The following CTNNA3 variants were observed in gnomAD, a reference collection of about 807,000 sequenced individuals.
CTNNA3 encodes the protein catenin alpha 3.
A neutral mutation model predicts 95.7 loss-of-function variants in CTNNA3; 76 were observed. The ratio of observed to expected loss-of-function variants is 0.79; its 90% CI spans 0.66 to 0.96. The LOEUF is 0.96. Ranked by LOEUF, CTNNA3 falls within the 40% of genes least tolerant of loss-of-function variation. The probability of loss-of-function intolerance (pLI) is 0.00; values close to 1 mark genes in which losing one functional copy is unlikely to be tolerated. For synonymous variants in CTNNA3, 431 were observed against 374.4 expected (o/e 1.15, Z -1.74); for missense variants, 1,191 against 1,089.8 (o/e 1.09, Z -1.31).
At chr10:66,095,744 A>T (rs2133711033) in intron 14 of CTNNA3, among the ~76,000 whole-genome samples, 1 of 152,118 alleles carries the variant, frequency 6.6e-6, no homozygotes, top group South Asian at 2.1e-4. Context: ...TTAAGATTTG[A>T]TATGCTCCAG....
At chr10:67,624,341 T>A (rs1843953864) in intron 2 of CTNNA3, among the ~76,000 whole-genome samples, 1 of 152,166 alleles carries the variant, frequency 6.6e-6, no homozygotes, top group East Asian at 1.9e-4. Flanking sequence ...AAAATCATGC[T>A]CTGCGGGCCC....
chr10:66,272,088 C>T (rs2091294707), intron 13 of CTNNA3, among the ~76,000 whole-genome samples: 1 of 152,184 alleles, frequency 6.6e-6, no homozygotes, highest in Non-Finnish European at 1.5e-5. Flanking sequence ...AGTACTGTTA[C>T]AGACTTCTTT....
rs556742494 is a variant in CTNNA3, at chr10:66,066,171, G to C, written c.2159+3137C>G. Reference sequence around the variant, plus strand: ...AGCCACCGCACCTAGCCACCAAGATGATATTATAATATAACTATTATAGTT... The same window carrying C: ...AGCCACCGCACCTAGCCACCAAGATCATATTATAATATAACTATTATAGTT... On this transcript the variant is annotated intron_variant, in intron 15 of 17. Transcript: ENST00000433211. Among the ~76,000 whole-genome samples, 3 of 152,076 alleles carry C rather than the reference G, an allele frequency of 2.0e-5. No homozygotes were observed. The East Asian group carries it at 5.8e-4, about 29-fold the overall frequency.
chr10:65,986,699 GA>G (rs34970451), intron 16 of CTNNA3, among the ~76,000 whole-genome samples: 72 of 148,424 alleles, frequency 4.9e-4, no homozygotes, highest in Admixed American at 7.4e-4. Context: ...TACATAGATA[GA>G]AAAAAAAAAT....
At chr10:66,467,692 A>C (rs185007801) in intron 11 of CTNNA3, among the ~76,000 whole-genome samples, 7 of 152,230 alleles carry the variant, frequency 4.6e-5, no homozygotes, top group Non-Finnish European at 7.4e-5. Context: ...ATTAAGATGA[A>C]GCCAACCCGC....
intron 13 of CTNNA3, among the ~76,000 whole-genome samples, chr10:66,150,596 A>C (rs971638536): frequency 6.6e-6 from 1 of 152,090 alleles, no homozygotes; most frequent in African/African-American, 2.4e-5. Context: ...AATCAGGGTA[A>C]CTAAGATATC....
chr10:67,056,637 A>T (rs1442959156), intron 7 of CTNNA3, among the ~76,000 whole-genome samples: 1 of 152,184 alleles, frequency 6.6e-6, no homozygotes, highest in Non-Finnish European at 1.5e-5. Context: ...TTCCAAATTA[A>T]GTGGCGACAG....
intron 7 of CTNNA3, among the ~76,000 whole-genome samples, chr10:66,776,171 G>A (rs1840290390): frequency 2.0e-5 from 3 of 152,142 alleles, no homozygotes. Context: ...TAAGCACATA[G>A]AGAGTCACCT....
intron 1 of CTNNA3, among the ~76,000 whole-genome samples, chr10:67,656,321 G>T (rs1463111028): frequency 6.6e-6 from 1 of 152,088 alleles, no homozygotes; most frequent in East Asian, 1.9e-4. Context: ...AAATATTTTT[G>T]ATGTGTTTAC....
At chr10:66,745,002 G>T (rs1192496119) in intron 9 of CTNNA3, among the ~76,000 whole-genome samples, 1 of 152,148 alleles carries the variant, frequency 6.6e-6, no homozygotes, top group Non-Finnish European at 1.5e-5. Context: ...CTCTTTAAAA[G>T]CTAAGAGTCA....
At chr10:66,390,457 C>T in intron 11 of CTNNA3, among the ~76,000 whole-genome samples, 1 of 152,034 alleles carries the variant, frequency 6.6e-6, no homozygotes, top group East Asian at 1.9e-4. Flanking sequence ...AGTTATAATG[C>T]AAAATCGATT....
At chr10:67,168,278 T>G (rs1861869126) in intron 7 of CTNNA3, among the ~76,000 whole-genome samples, 1 of 152,168 alleles carries the variant, frequency 6.6e-6, no homozygotes, top group African/African-American at 2.4e-5. Context: ...CCCCAACTCA[T>G]TCTACAAGGC....
intron 3 of CTNNA3, among the ~76,000 whole-genome samples, chr10:67,564,707 A>T (rs1487884178): frequency 1.8e-5 from 2 of 111,738 alleles, no homozygotes; most frequent in African/African-American, 7.4e-5. Flanking sequence ...ATATATATAT[A>T]TATATATATA....
At chr10:67,021,823 G>A (rs1853032771) in intron 7 of CTNNA3, among the ~76,000 whole-genome samples, 1 of 152,106 alleles carries the variant, frequency 6.6e-6, no homozygotes, top group Non-Finnish European at 1.5e-5. Flanking sequence ...ATGAAAGGAA[G>A]TACTATAAAG....
chr10:66,888,299 C>T (rs1420479496), intron 7 of CTNNA3, among the ~76,000 whole-genome samples: 1 of 152,134 alleles, frequency 6.6e-6, no homozygotes, highest in East Asian at 1.9e-4. Context: ...ATTCTGTAAA[C>T]ACTTTAAGAG....
intron 3 of CTNNA3, among the ~76,000 whole-genome samples, chr10:67,581,425 G>C (rs1842391592): frequency 6.6e-6 from 1 of 152,192 alleles, no homozygotes; most frequent in Non-Finnish European, 1.5e-5. Context: ...CATCACGGTG[G>C]ATAAGCTTTT....
At chr10:67,658,643 C>G (rs1365734721) in intron 1 of CTNNA3, among the ~76,000 whole-genome samples, 1 of 152,128 alleles carries the variant, frequency 6.6e-6, no homozygotes, top group Non-Finnish European at 1.5e-5. Flanking sequence ...TCCTAATGCA[C>G]AACAGCCTCC....
chr10:66,415,843 A>T (rs2093141661), intron 11 of CTNNA3, among the ~76,000 whole-genome samples: 1 of 152,206 alleles, frequency 6.6e-6, no homozygotes, highest in Non-Finnish European at 1.5e-5. Context: ...CCTCAAAAAA[A>T]GTCCTTCCCT....
At chr10:66,053,287 T>C (rs1274976788) in intron 15 of CTNNA3, among the ~76,000 whole-genome samples, 1 of 152,094 alleles carries the variant, frequency 6.6e-6, no homozygotes, top group African/African-American at 2.4e-5. Flanking sequence ...AGAAATGATA[T>C]TCAGTTAAAT....
Sources: allele counts gnomAD v4.1 joint callset (sites outside exome capture counted in the v4.1 genomes callset), GRCh38; gene constraint gnomAD v4.1.1; transcripts MANE v1.5; gene names NCBI Gene and HGNC (gene_info 2026-07-23, HGNC 2026-07-21).